GPATCH2: variants seen among roughly 807,000 people sequenced by gnomAD.
GPATCH2 encodes G-patch domain containing 2.
A neutral mutation model predicts 58.0 loss-of-function variants in GPATCH2; 51 were observed. The ratio of observed to expected loss-of-function variants is 0.88; its 90% CI spans 0.70 to 1.11. The LOEUF (loss-of-function observed/expected upper bound fraction) is 1.11. Ranked by LOEUF, GPATCH2 falls within the 50% of genes most tolerant of loss-of-function variation. The pLI is 0.00. For synonymous variants in GPATCH2, 222 were observed against 218.5 expected (o/e 1.02, Z -0.14); for missense variants, 625 against 652.2 (o/e 0.96, Z 0.45).
chr1:217,570,288 T>C (rs1215763585), intron 5 of GPATCH2, among the ~76,000 whole-genome samples: 1 of 152,050 alleles, frequency 6.6e-6, no homozygotes, highest in African/African-American at 2.4e-5. Context: ...ATTTTTTGTA[T>C]TTTTAGTAGA....
At chr1:217,611,731 A>C (rs1477646537) in intron 3 of GPATCH2, among the ~76,000 whole-genome samples, 1 of 152,234 alleles carries the variant, frequency 6.6e-6, no homozygotes, top group Non-Finnish European at 1.5e-5. Context: ...AATTAAGCTC[A>C]TTAAGAAATA....
intron 5 of GPATCH2, among the ~76,000 whole-genome samples, chr1:217,589,003 G>A (rs1233150433): frequency 3.3e-5 from 5 of 152,096 alleles, no homozygotes; most frequent in African/African-American, 1.2e-4. Flanking sequence ...CATTTTCATC[G>A]AAGGAAGCAA....
intron 5 of GPATCH2, among the ~76,000 whole-genome samples, chr1:217,568,554 A>C (rs771132964): frequency 6.6e-6 from 1 of 152,202 alleles, no homozygotes; most frequent in African/African-American, 2.4e-5. Flanking sequence ...AGAATGCCTC[A>C]AACAGGTGAG....
intron 3 of GPATCH2, among the ~76,000 whole-genome samples, chr1:217,612,189 AAGAT>A (rs939274088): frequency 2.6e-5 from 4 of 152,068 alleles, no homozygotes; most frequent in East Asian, 1.9e-4. Flanking sequence ...TTAAAAAAAA[AAGAT>A]AGAGAAAAGA....
intron 5 of GPATCH2, among the ~76,000 whole-genome samples, chr1:217,598,822 ATG>A (rs1263170821): frequency 6.6e-6 from 1 of 152,202 alleles, no homozygotes; most frequent in African/African-American, 2.4e-5. Context: ...GAGCTACTGT[ATG>A]TGCTAACAGG....
At chr1:217,454,342 C>A (rs961320234) in intron 8 of GPATCH2, among the ~76,000 whole-genome samples, 4 of 152,110 alleles carry the variant, frequency 2.6e-5, no homozygotes, top group African/African-American at 4.8e-5. Context: ...GTAATCCCAG[C>A]ACCTTGGGAG....
chr1:217,460,616 C>T (rs1171024929), intron 8 of GPATCH2, among the ~76,000 whole-genome samples: 1 of 152,216 alleles, frequency 6.6e-6, no homozygotes, highest in African/African-American at 2.4e-5. Context: ...CTCAGTATAA[C>T]TGGAGTTGGC....
At chr1:217,449,025 G>A (rs532418288) in intron 9 of GPATCH2, among the ~76,000 whole-genome samples, 6 of 152,134 alleles carry the variant, frequency 3.9e-5, no homozygotes, top group African/African-American at 7.2e-5. Flanking sequence ...TACCTTACAC[G>A]AAATCTTGCA....
chr1:217,499,137 A>G (rs1662166144), intron 6 of GPATCH2, among the ~76,000 whole-genome samples: 1 of 152,136 alleles, frequency 6.6e-6, no homozygotes, highest in Admixed American at 6.6e-5. Context: ...AACTAACTGT[A>G]AACATCAAGG....
chr1:217,610,821 T>G, intron 4 of GPATCH2, 68 bp downstream of exon 4: 1 of 1,082,838 alleles, frequency 9.2e-7, no homozygotes, highest in Non-Finnish European at 1.4e-6. Flanking sequence ...TATCTTATCC[T>G]CCTTGAATGA....
intron 2 of GPATCH2, among the ~76,000 whole-genome samples, chr1:217,617,339 C>A (rs1399734468): frequency 6.6e-6 from 1 of 152,204 alleles, no homozygotes; most frequent in African/African-American, 2.4e-5. Flanking sequence ...AGTCTTACTA[C>A]TTGCTTTAAA....
chr1:217,433,362 A>G (rs1161441548), intron 9 of GPATCH2, among the ~76,000 whole-genome samples: 1 of 89,118 alleles, frequency 1.1e-5, no homozygotes, highest in African/African-American at 4.7e-5. Flanking sequence ...TAAGCTGTTC[A>G]TATATATATA....
intron 5 of GPATCH2, among the ~76,000 whole-genome samples, chr1:217,530,040 G>A (rs1160189502): frequency 1.3e-5 from 2 of 152,164 alleles, no homozygotes; most frequent in African/African-American, 4.8e-5. Flanking sequence ...AAAATCAACA[G>A]TGACAAAGAC....
At chr1:217,576,308 A>T (rs890227762) in intron 5 of GPATCH2, among the ~76,000 whole-genome samples, 8 of 152,182 alleles carry the variant, frequency 5.3e-5, no homozygotes, top group Non-Finnish European at 8.8e-5. Context: ...ATTTAAAGTT[A>T]AAATATATTT....
chr1:217,523,217 C>G (rs1216546722), intron 5 of GPATCH2, among the ~76,000 whole-genome samples: 6 of 150,728 alleles, frequency 4.0e-5, no homozygotes, highest in Non-Finnish European at 7.4e-5. Flanking sequence ...GGTGTTTCTC[C>G]CAGAGGGGGA....
chr1:217,482,556 G>A (rs375058244), intron 8 of GPATCH2, among the ~76,000 whole-genome samples: 2 of 152,198 alleles, frequency 1.3e-5, no homozygotes, highest in South Asian at 2.1e-4. Flanking sequence ...TGGAGCTCAC[G>A]GTGAATAAGA....
At chr1:217,496,774 T>C (rs929925339) in intron 7 of GPATCH2, among the ~76,000 whole-genome samples, 11 of 152,158 alleles carry the variant, frequency 7.2e-5, no homozygotes, top group African/African-American at 2.7e-4. Flanking sequence ...TAACCCTGTA[T>C]TTCCCCTACA....
intron 9 of GPATCH2, among the ~76,000 whole-genome samples, chr1:217,439,944 G>A (rs558157334): frequency 6.6e-6 from 1 of 152,314 alleles, no homozygotes; most frequent in South Asian, 2.1e-4. Context: ...GTACAAAGAG[G>A]AGCTGGTACC....
At chr1:217,623,670 G>A (rs1051886818) in intron 1 of GPATCH2, among the ~76,000 whole-genome samples, 1 of 152,152 alleles carries the variant, frequency 6.6e-6, no homozygotes, top group African/African-American at 2.4e-5. Flanking sequence ...GGGAGGCTAA[G>A]GCGGGCAGAT....
Sources: gnomAD v4.1 joint callset for allele counts (sites outside exome capture counted in the v4.1 genomes callset) on GRCh38, gnomAD v4.1.1 for gene constraint, MANE v1.5 for transcripts, NCBI Gene and HGNC (gene_info 2026-07-23, HGNC 2026-07-21) for gene names.